Variants in TMEM217 observed in about 807,000 individuals in gnomAD.
TMEM217 encodes transmembrane protein 217.
For missense variants in TMEM217, 204 were observed against 248.8 expected (o/e 0.82, Z 1.21); for synonymous variants, 76 against 88.3 (o/e 0.86, Z 0.78).
intron 1 of TMEM217, among the ~76,000 whole-genome samples, chr6:37,221,334 GCAC>G (rs1271393021): frequency 1.3e-5 from 2 of 152,006 alleles, no homozygotes; most frequent in Non-Finnish European, 2.9e-5. Flanking sequence ...CTACAGGAGT[GCAC>G]CACCACACCT....
At chr6:37,256,462 T>A (rs1012143335) in intron 1 of TMEM217, among the ~76,000 whole-genome samples, 4 of 152,092 alleles carry the variant, frequency 2.6e-5, no homozygotes, top group Non-Finnish European at 5.9e-5. Context: ...GCAAGTAAAA[T>A]AATTAAAAGA....
chr6:37,256,789 C>G (rs947974903), intron 1 of TMEM217, among the ~76,000 whole-genome samples: 4 of 152,076 alleles, frequency 2.6e-5, no homozygotes, highest in African/African-American at 9.7e-5. Context: ...AACAGTCCTT[C>G]GAAGGGACAA....
intron 1 of TMEM217, among the ~76,000 whole-genome samples, chr6:37,241,452 C>CT (rs1640025090): frequency 6.6e-6 from 1 of 152,144 alleles, no homozygotes; most frequent in Non-Finnish European, 1.5e-5. Flanking sequence ...ACCCTGAGCA[C>CT]TAGGGATTCT....
chr6:37,215,356 C>T, downstream of TMEM217: 1 of 1,521,368 alleles, frequency 6.6e-7, no homozygotes, highest in East Asian at 2.5e-5. Flanking sequence ...GCAGGCGGAT[C>T]ACGAGGTCAG....
chr6:37,242,923 C>G (rs1231208642), intron 1 of TMEM217, among the ~76,000 whole-genome samples: 1 of 151,970 alleles, frequency 6.6e-6, no homozygotes, highest in African/African-American at 2.4e-5. Flanking sequence ...AAAACATTTC[C>G]CAGAAAACCC....
chr6:37,239,191 T>A (rs1764640407), intron 1 of TMEM217, among the ~76,000 whole-genome samples: 1 of 151,026 alleles, frequency 6.6e-6, no homozygotes, highest in Admixed American at 6.6e-5. Context: ...AAGCATACAA[T>A]AAAAATTCAG....
chr6:37,246,062 A>G (rs1765062702), intron 1 of TMEM217, among the ~76,000 whole-genome samples: 1 of 152,086 alleles, frequency 6.6e-6, no homozygotes, highest in Non-Finnish European at 1.5e-5. Flanking sequence ...TCGGCCTCCC[A>G]AAGTGCTGGG....
exon 1 of TMEM217, chr6:37,257,903 C>T: frequency 6.2e-7 from 1 of 1,612,732 alleles, no homozygotes; most frequent in Non-Finnish European, 8.5e-7. Context: ...ACAAGGACTT[C>T]CCCCGGCCAG....
intron 1 of TMEM217, among the ~76,000 whole-genome samples, chr6:37,232,565 G>T (rs989655674): frequency 5.7e-5 from 6 of 105,486 alleles, no homozygotes; most frequent in Non-Finnish European, 1.2e-4. Context: ...CCTAAACACT[G>T]CTGGGAAATC....
intron 1 of TMEM217, among the ~76,000 whole-genome samples, chr6:37,247,163 C>G (rs527362808): frequency 6.6e-6 from 1 of 152,106 alleles, no homozygotes; most frequent in South Asian, 2.1e-4. Context: ...TATGATAGAC[C>G]CCTGCTGCAG....
chr6:37,255,027 G>A (rs1166498059), intron 1 of TMEM217, among the ~76,000 whole-genome samples: 17 of 152,140 alleles, frequency 1.1e-4, no homozygotes, highest in Admixed American at 9.2e-4. Context: ...GACAGGAGGC[G>A]GAGCTCTGGC....
intron 1 of TMEM217, among the ~76,000 whole-genome samples, chr6:37,224,795 T>A (rs1243311917): frequency 6.6e-6 from 1 of 152,054 alleles, no homozygotes; most frequent in Non-Finnish European, 1.5e-5. Context: ...CACAGTATGA[T>A]GATAACCTTT....
chr6:37,243,841 G>C (rs548414030), intron 1 of TMEM217, among the ~76,000 whole-genome samples: 33 of 152,186 alleles, frequency 2.2e-4, no homozygotes, highest in Non-Finnish European at 4.4e-4. Flanking sequence ...GCCATCATAA[G>C]GATGTGGAAA....
intron 1 of TMEM217, among the ~76,000 whole-genome samples, chr6:37,228,291 C>A (rs1178181031): frequency 6.6e-6 from 1 of 152,212 alleles, no homozygotes; most frequent in African/African-American, 2.4e-5. Flanking sequence ...GCAATTAGGA[C>A]AGTGTCCACC....
At chr6:37,256,660 G>T (rs1239047950) in intron 1 of TMEM217, among the ~76,000 whole-genome samples, 1 of 150,934 alleles carries the variant, frequency 6.6e-6, no homozygotes, top group Non-Finnish European at 1.5e-5. Flanking sequence ...TATAAAAGAA[G>T]GTCCTTCTTT....
chr6:37,245,536 T>C (rs1184225356), intron 1 of TMEM217, among the ~76,000 whole-genome samples: 1 of 152,200 alleles, frequency 6.6e-6, no homozygotes, highest in Non-Finnish European at 1.5e-5. Flanking sequence ...GTTGGGAAAA[T>C]AAGTAGCTGG....
At chr6:37,254,709 C>A (rs1354387555) in intron 1 of TMEM217, among the ~76,000 whole-genome samples, 4 of 152,174 alleles carry the variant, frequency 2.6e-5, no homozygotes, top group Admixed American at 6.5e-5. Context: ...TAAGCACTCA[C>A]TATGTTCCAA....
At chr6:37,253,663 A>G (rs888450870) in intron 1 of TMEM217, among the ~76,000 whole-genome samples, 1 of 152,074 alleles carries the variant, frequency 6.6e-6, no homozygotes, top group Admixed American at 6.6e-5. Context: ...CCTTCCCCTC[A>G]TCACAGTGTC....
At chr6:37,214,201 C>T (rs144769176), downstream of TMEM217, among the ~76,000 whole-genome samples, 217 of 152,306 alleles carry the variant, frequency 1.4e-3, no homozygotes, top group Non-Finnish European at 2.7e-3. Context: ...GCAAGCATAT[C>T]GCTATCCATC....
Sources: allele counts gnomAD v4.1 joint callset (sites outside exome capture counted in the v4.1 genomes callset), GRCh38; gene constraint gnomAD v4.1.1; transcripts MANE v1.5; gene names NCBI Gene and HGNC (gene_info 2026-07-23, HGNC 2026-07-21).